WWP2: variants seen among roughly 807,000 people sequenced by gnomAD.
WWP2 encodes NEDD4-like E3 ubiquitin-protein ligase WWP2.
A neutral mutation model predicts 121.0 loss-of-function variants in WWP2; 57 were observed. The ratio of observed to expected loss-of-function variants is 0.47; its 90% confidence interval spans 0.38 to 0.59. WWP2 has a LOEUF of 0.59. Ranked by LOEUF, WWP2 falls within the 20% of genes least tolerant of loss-of-function variation. WWP2 has a pLI of 0.00. For missense variants in WWP2, 962 were observed against 1,158.9 expected (o/e 0.83, Z 2.47); for synonymous variants, 449 against 441.3 (o/e 1.02, Z -0.22).
At chr16:69,818,365 G>A (rs1262401881) in intron 4 of WWP2, among the ~76,000 whole-genome samples, 3 of 151,920 alleles carry the variant, frequency 2.0e-5, no homozygotes, top group African/African-American at 4.8e-5. Context: ...CTGCCACCAC[G>A]CCCAGCTAAT....
intron 2 of WWP2, among the ~76,000 whole-genome samples, chr16:69,797,640 G>C (rs2056074770): frequency 6.6e-6 from 1 of 152,080 alleles, no homozygotes; most frequent in Admixed American, 6.6e-5. Flanking sequence ...TGTAATCCCA[G>C]CACTTTGGGA....
intron 4 of WWP2, among the ~76,000 whole-genome samples, chr16:69,806,726 C>T (rs1037908594): frequency 7.9e-5 from 12 of 152,114 alleles, no homozygotes; most frequent in Non-Finnish European, 1.0e-4. Flanking sequence ...AGTTTAAAAA[C>T]GTCTGTAATA....
chr16:69,851,909 G>T (rs908097912), intron 6 of WWP2, among the ~76,000 whole-genome samples: 2 of 152,150 alleles, frequency 1.3e-5, no homozygotes, highest in African/African-American at 4.8e-5. Context: ...CTTAAATCTG[G>T]GGGGTGGAGT....
chr16:69,814,077 G>A (rs1165266756), intron 4 of WWP2, among the ~76,000 whole-genome samples: 3 of 152,124 alleles, frequency 2.0e-5, no homozygotes, highest in Non-Finnish European at 4.4e-5. Flanking sequence ...TGGGATTCGG[G>A]GACACACTTG....
rs1405558941 is a variant in WWP2 at position 69,919,240 on chromosome 16, A to ATCCCTGACCACATTTAAATTTT, written c.1179+1357_1179+1358insTCCCTGACCACATTTAAATTTT. Among the ~76,000 whole-genome samples the ATCCCTGACCACATTTAAATTTT allele has an allele frequency of 3.2e-4, 4 of 12,654 alleles. No individual in the cohort carries two copies. The African/African-American group carries it at 4.3e-3, about 13-fold the overall frequency. The allele number at this position is 12,654 out of a possible 152,430, so 8.3% of individuals were successfully genotyped here. A position where few individuals can be genotyped will look rare whatever the true frequency, so the allele number is the denominator to read the frequency against. On this transcript the variant is annotated intron_variant, in intron 10 of 23. Coordinates refer to ENST00000359154, the MANE Select transcript of WWP2 (RefSeq NM_001270454.2). ...GAGTGCAATGGCATGATCTCAGCTCACTGTAACCTCCACTGCCCGGGTTCA... is the reference window on the plus strand; with the variant it reads ...GAGTGCAATGGCATGATCTCAGCTCATCCCTGACCACATTTAAATTTTCTGTAACCTCCACTGCCCGGGTTCA...
chr16:69,899,350 C>G (rs1025783535), intron 8 of WWP2, among the ~76,000 whole-genome samples: 2 of 151,930 alleles, frequency 1.3e-5, no homozygotes, highest in Admixed American at 1.3e-4. Context: ...ATCTCAGCAA[C>G]AACAACAACA....
Position 69,908,881 on chromosome 16 carries a change from C to G in WWP2, c.1004+31C>G, listed in dbSNP as rs199905032. 2.5e-6 allele frequency: 4 copies of G among 1,613,972 alleles called. No individual in the cohort carries two copies. The East Asian group carries it at 8.9e-5, about 36-fold the overall frequency. On this transcript the variant is annotated intron_variant, in intron 9 of 23. Transcript: ENST00000359154. ...TCATCAACTGAGAAGACCTGAGACT[C>G]TGGAACTGACACCATGAGTCACCCA... is the stretch of plus-strand genomic sequence containing the variant.
intron 11 of WWP2, among the ~76,000 whole-genome samples, chr16:69,927,364 C>T (rs2151985119): frequency 1.3e-5 from 2 of 152,338 alleles, no homozygotes; most frequent in East Asian, 3.9e-4. Context: ...GCATCTTCCC[C>T]ACACACTGCT....
rs146029439 is a variant in WWP2, at chr16:69,936,492, G to A, written c.2117+40G>A. The A allele has an allele frequency of 1.1e-3, 1,800 of 1,611,944 alleles. 31 individuals are homozygous for A. In the East Asian group the frequency reaches 0.036, roughly 32 times the overall value. On this transcript the variant is annotated intron_variant, in intron 19 of 23. Transcript: ENST00000359154. ...CCGGGGGCTCCGCTCCAGGGGTGGCGTGGAGATCTAGTGGGTTGCAGAGAA... is the reference window on the plus strand; with the variant it reads ...CCGGGGGCTCCGCTCCAGGGGTGGCATGGAGATCTAGTGGGTTGCAGAGAA...
intron 4 of WWP2, among the ~76,000 whole-genome samples, chr16:69,824,766 G>C (rs538959550): frequency 1.4e-4 from 18 of 132,912 alleles, no homozygotes; most frequent in African/African-American, 5.2e-4. Context: ...TGCACCTGTG[G>C]CTTTTTTTTT....
intron 6 of WWP2, 90 bp from the exon 7 acceptor site, chr16:69,871,714 G>A (rs1176290401): frequency 6.4e-7 from 1 of 1,551,042 alleles, no homozygotes; most frequent in Non-Finnish European, 8.8e-7. Context: ...ATAAATGGCA[G>A]GAGAAGGGAA....
intron 8 of WWP2, 35 bp from the exon 9 acceptor site, chr16:69,908,726 G>C (rs2058336469): frequency 1.2e-6 from 2 of 1,613,280 alleles, no homozygotes; most frequent in East Asian, 2.2e-5. Flanking sequence ...CCTTTCCACT[G>C]TGTGTCTCAT....
chr16:69,775,743 C>T (rs1332481973), intron 1 of WWP2, among the ~76,000 whole-genome samples: 2 of 152,168 alleles, frequency 1.3e-5, no homozygotes, highest in Non-Finnish European at 1.5e-5. Context: ...AGACATTGAC[C>T]TTCTTCCTGC....
At chr16:69,763,902 T>C (rs2038671878) in intron 1 of WWP2, among the ~76,000 whole-genome samples, 1 of 152,230 alleles carries the variant, frequency 6.6e-6, no homozygotes, top group Non-Finnish European at 1.5e-5. Flanking sequence ...GAGAAGCTTG[T>C]GATTATCTGT....
chr16:69,802,344 A>G (rs904202910), intron 4 of WWP2, among the ~76,000 whole-genome samples: 29 of 152,180 alleles, frequency 1.9e-4, no homozygotes, highest in African/African-American at 7.0e-4. Context: ...CATCACCACC[A>G]TCTATCCCCA....
At chr16:69,783,903 A>G (rs1357389835) in intron 1 of WWP2, among the ~76,000 whole-genome samples, 1 of 152,088 alleles carries the variant, frequency 6.6e-6, no homozygotes, top group African/African-American at 2.4e-5. Context: ...TGCACTGAGC[A>G]TGTTCATGCC....
At chr16:69,813,431 G>A (rs973454462) in intron 4 of WWP2, among the ~76,000 whole-genome samples, 1 of 152,000 alleles carries the variant, frequency 6.6e-6, no homozygotes, top group African/African-American at 2.4e-5. Context: ...CAAAGTGCTG[G>A]GATTACAGGC....
chr16:69,811,537 T>C (rs1327703193), intron 4 of WWP2, among the ~76,000 whole-genome samples: 1 of 151,684 alleles, frequency 6.6e-6, no homozygotes, highest in African/African-American at 2.4e-5. Context: ...CTCTTGAGCC[T>C]AGGAGTTTGA....
intron 8 of WWP2, among the ~76,000 whole-genome samples, chr16:69,891,575 G>T (rs1451601911): frequency 6.6e-6 from 1 of 152,150 alleles, no homozygotes; most frequent in African/African-American, 2.4e-5. Flanking sequence ...ACTGGGTATG[G>T]CAGATGCAGT....
Sources: allele counts gnomAD v4.1 joint callset (sites outside exome capture counted in the v4.1 genomes callset), GRCh38; gene constraint gnomAD v4.1.1; transcripts MANE v1.5; gene names NCBI Gene and HGNC (gene_info 2026-07-23, HGNC 2026-07-21).